SPAG16: variants seen among roughly 807,000 people sequenced by gnomAD.
The protein encoded by SPAG16 is sperm-associated antigen 16 protein.
SPAG16 carries 86 observed loss-of-function variants against 80.4 expected under a neutral mutation model. That is an observed-to-expected ratio of 1.07 (90% CI 0.90 to 1.28). SPAG16 has a LOEUF of 1.28. Ranked by LOEUF, SPAG16 falls within the 50% of genes most tolerant of loss-of-function variation. SPAG16 has a pLI of 0.00. For synonymous variants in SPAG16, 294 were observed against 265.9 expected (o/e 1.11, Z -1.03); for missense variants, 870 against 765.3 (o/e 1.14, Z -1.61).
intron 15 of SPAG16, among the ~76,000 whole-genome samples, chr2:214,280,469 T>A (rs1692837610): frequency 6.6e-6 from 1 of 152,212 alleles, no homozygotes; most frequent in African/African-American, 2.4e-5. Flanking sequence ...TCTCAAGGTT[T>A]ATTATGATGC....
intron 9 of SPAG16, among the ~76,000 whole-genome samples, chr2:213,405,287 T>G (rs1158359175): frequency 6.6e-6 from 1 of 152,180 alleles, no homozygotes; most frequent in Non-Finnish European, 1.5e-5. Context: ...AAGTAAATGA[T>G]TGTCCTAATT....
At chr2:213,676,614 G>C (rs1279776101) in intron 10 of SPAG16, among the ~76,000 whole-genome samples, 4 of 152,096 alleles carry the variant, frequency 2.6e-5, no homozygotes, top group Non-Finnish European at 5.9e-5. Flanking sequence ...TTTTGTCAAA[G>C]GCCTTTTCTG....
chr2:213,631,653 T>C lies in SPAG16; in HGVS notation c.1070+141563T>C, dbSNP rs538448508. On this transcript the variant is annotated intron_variant, in intron 10 of 15. Coordinates refer to ENST00000331683, the MANE Select transcript of SPAG16 (RefSeq NM_024532.5). ...AAGTATTTAATCCATTTTGATTTGA[T>C]TTTTGTATATGGTGAAAGATAGGGG... Among the ~76,000 whole-genome samples the C allele has an allele frequency of 9.2e-5, 14 of 152,318 alleles. 1 individual carries two copies. The highest frequency in any genetic ancestry group is 9.2e-4 in the Admixed American group (14 of 15,298).
chr2:213,711,633 C>T (rs2065992016), intron 10 of SPAG16, among the ~76,000 whole-genome samples: 1 of 151,786 alleles, frequency 6.6e-6, no homozygotes, highest in African/African-American at 2.4e-5. Context: ...AATTCACCTC[C>T]CTTAGCCTCC....
chr2:214,162,060 C>T (rs1201805888), intron 15 of SPAG16, among the ~76,000 whole-genome samples: 1 of 152,008 alleles, frequency 6.6e-6, no homozygotes, highest in Non-Finnish European at 1.5e-5. Context: ...GGAGTGTTAT[C>T]AGTCCATTTT....
intron 10 of SPAG16, among the ~76,000 whole-genome samples, chr2:213,558,845 T>C (rs1233522917): frequency 3.9e-5 from 6 of 152,150 alleles, no homozygotes; most frequent in Non-Finnish European, 8.8e-5. Flanking sequence ...CGTTTTATAT[T>C]ATTTACTTTT....
At chr2:214,120,346 T>TA (rs1310271876) in intron 14 of SPAG16, among the ~76,000 whole-genome samples, 4 of 151,888 alleles carry the variant, frequency 2.6e-5, no homozygotes, top group African/African-American at 4.8e-5. Flanking sequence ...ACATTTCTTA[T>TA]AGAAATGTAG....
chr2:213,454,185 A>G (rs886348426), intron 9 of SPAG16, among the ~76,000 whole-genome samples: 2 of 152,148 alleles, frequency 1.3e-5, no homozygotes, highest in Non-Finnish European at 2.9e-5. Flanking sequence ...TCTCTTCTCT[A>G]TGTAGATTAT....
chr2:213,288,850 C>G (rs969794471), intron 1 of SPAG16, among the ~76,000 whole-genome samples: 2 of 152,118 alleles, frequency 1.3e-5, no homozygotes, highest in Non-Finnish European at 2.9e-5. Flanking sequence ...TTTCTTATCA[C>G]TGGAACTTAA....
At chr2:214,250,735 T>G (rs1257846616) in intron 15 of SPAG16, among the ~76,000 whole-genome samples, 9 of 69,106 alleles carry the variant, frequency 1.3e-4, no homozygotes, top group Admixed American at 5.9e-4. Flanking sequence ...AGCTTTGAGA[T>G]ATATATATAT....
rs77518019 is a variant in SPAG16, at chr2:214,037,836, T to G, written c.1527+23759T>G. On this transcript the variant is annotated intron_variant, in intron 13 of 15. Transcript: ENST00000331683. Reference sequence around the variant, plus strand: ...AACTTTGTTTGATACCAATATTGCCTTTGCTCTGTTATTATTCCCAGAAGC... The same window carrying G: ...AACTTTGTTTGATACCAATATTGCCGTTGCTCTGTTATTATTCCCAGAAGC... Among the ~76,000 whole-genome samples the G allele has an allele frequency of 1.2e-3, 179 of 151,382 alleles. 4 individuals carry two copies. The East Asian group carries it at 0.029, about 25-fold the overall frequency.
chr2:213,642,848 A>AAAAAAAAAAAAAAAG (rs1559337090), intron 10 of SPAG16, among the ~76,000 whole-genome samples: 3 of 137,070 alleles, frequency 2.2e-5, no homozygotes, highest in East Asian at 2.3e-4. Context: ...AAAAAAAAAA[A>AAAAAAAAAAAAAAAG]AGAGAGACTG....
chr2:213,766,343 C>G (rs1205905553), intron 10 of SPAG16, among the ~76,000 whole-genome samples: 1 of 152,222 alleles, frequency 6.6e-6, no homozygotes, highest in South Asian at 2.1e-4. Flanking sequence ...CCTTGTGACT[C>G]TACTATAAAA....
chr2:214,131,391 AT>A (rs1342171767), intron 14 of SPAG16, among the ~76,000 whole-genome samples: 13 of 150,160 alleles, frequency 8.7e-5, no homozygotes, highest in African/African-American at 2.7e-4. Context: ...AAAAAAAAAA[AT>A]CAAACTCTAT....
intron 15 of SPAG16, among the ~76,000 whole-genome samples, chr2:214,351,730 A>G (rs531170807): frequency 6.6e-6 from 1 of 151,836 alleles, no homozygotes; most frequent in African/African-American, 2.4e-5. Flanking sequence ...AAAAAAAACA[A>G]CAAAACTTAA....
intron 11 of SPAG16, among the ~76,000 whole-genome samples, chr2:213,925,135 T>C (rs2078408425): frequency 1.3e-4 from 1 of 7,820 alleles, no homozygotes; most frequent in African/African-American, 1.4e-4. Flanking sequence ...ATATCATTAT[T>C]GTTTTTTTTT....
At position 213,811,596 on chromosome 2, in the gene SPAG16, C is replaced by T. The variant is rs552665281; in HGVS notation, c.1071-50889C>T. 3.9e-5 allele frequency among the ~76,000 whole-genome samples: 6 copies of T among 151,950 alleles called. No individual in the cohort carries two copies. In the South Asian group the frequency reaches 6.2e-4, roughly 16 times the overall value. On this transcript the variant is annotated intron_variant, in intron 10 of 15. Transcript: ENST00000331683. ...TACCCCTGTACATTTCACTGCCAACCGACAAGGCAATGAGATGAAAAATAC... is the reference window on the plus strand; with the variant it reads ...TACCCCTGTACATTTCACTGCCAACTGACAAGGCAATGAGATGAAAAATAC...
At chr2:214,144,235 A>G (rs1437692431) in intron 14 of SPAG16, among the ~76,000 whole-genome samples, 1 of 152,200 alleles carries the variant, frequency 6.6e-6, no homozygotes, top group Non-Finnish European at 1.5e-5. Flanking sequence ...TATTTGAATA[A>G]TATATAACTG....
intron 15 of SPAG16, among the ~76,000 whole-genome samples, chr2:214,283,863 A>G (rs1693148830): frequency 6.6e-6 from 1 of 152,168 alleles, no homozygotes; most frequent in Non-Finnish European, 1.5e-5. Flanking sequence ...TTTGAATTTA[A>G]TCTTTAGAAA....
Sources: allele counts gnomAD v4.1 joint callset (sites outside exome capture counted in the v4.1 genomes callset), GRCh38; gene constraint gnomAD v4.1.1; transcripts MANE v1.5; gene names NCBI Gene and HGNC (gene_info 2026-07-23, HGNC 2026-07-21).